LYPD1: variants seen among roughly 807,000 people sequenced by gnomAD.
LYPD1 encodes the protein ly6/PLAUR domain-containing protein 1.
A neutral mutation model predicts 14.2 loss-of-function variants in LYPD1; 14 were observed. That is an observed-to-expected ratio of 0.99 (90% confidence interval 0.65 to 1.54). The LOEUF (loss-of-function observed/expected upper bound fraction) is 1.54. LYPD1 is among the 40% of genes most tolerant of loss of function. The pLI is 0.00. For missense variants in LYPD1, 165 were observed against 175.7 expected, an observed-to-expected ratio of 0.94 and a Z score of 0.34; for synonymous variants, 85 against 70.6, an observed-to-expected ratio of 1.20 and a Z score of -1.02.
rs1683462696 is a variant in LYPD1, at chr2:132,669,045, G to T, written c.53-508C>A. ...GCCAGGGCTCTGAGGATCCCTGAGC[G>T]ACCACCTGGGAACAACTTGGGTGGA... On this transcript the variant is annotated intron_variant, in intron 1 of 2. Coordinates refer to ENST00000397463, the MANE Select transcript of LYPD1 (RefSeq NM_144586.7). The surrounding 1 kb of genome is among the most constrained non-coding windows in gnomAD (Gnocchi z 4.3). 6.6e-6 allele frequency among the ~76,000 whole-genome samples: 1 copy of T among 152,222 alleles called. No homozygotes were observed. The highest frequency in any genetic ancestry group is 2.1e-4 in the South Asian group (1 of 4,830).
chr2:132,654,637 T>C (rs918784298), intron 2 of LYPD1, among the ~76,000 whole-genome samples: 1 of 152,190 alleles, frequency 6.6e-6, no homozygotes, highest in African/African-American at 2.4e-5. Context: ...TTCATTGTGA[T>C]GGGAAGAGAA....
Position 132,645,299 on chromosome 2 carries a change from G to GGC in LYPD1, c.*744_*745dup. 6.2e-7 allele frequency: 1 copy of GGC among 1,614,140 alleles called. No homozygotes were observed. Among genetic ancestry groups the GGC allele is most frequent in the Non-Finnish European group, 8.5e-7 (1 of 1,180,014 alleles). On this transcript the variant is annotated 3_prime_UTR_variant, in exon 3 of 3. Coordinates refer to ENST00000397463, the MANE Select transcript of LYPD1 (RefSeq NM_144586.7). Reference sequence around the variant, plus strand: ...TACACGGTGTCCTCGCAGCAGTTTCGGCGGGTGTTCGTGCAGGTGCTGTGC... The same window carrying GGC: ...TACACGGTGTCCTCGCAGCAGTTTCGGCGCGGGTGTTCGTGCAGGTGCTGTGC...
rs148791066 is a variant in LYPD1, at chr2:132,660,191, G to A, written c.190+8209C>T. ...AGTGAGAAATGAAATGCACTGGACC[G>A]CGTATCACAACTTCCTTAAAATAAT... On this transcript the variant is annotated intron_variant, in intron 2 of 2. Coordinates refer to ENST00000397463, the MANE Select transcript of LYPD1 (RefSeq NM_144586.7). 5.5e-3 allele frequency among the ~76,000 whole-genome samples: 842 copies of A among 152,312 alleles called. 11 individuals carry two copies. Among genetic ancestry groups the A allele is most frequent in the African/African-American group, 0.019 (794 of 41,556 alleles).
chr2:132,658,052 G>A (rs745322693), intron 2 of LYPD1, among the ~76,000 whole-genome samples: 13 of 152,152 alleles, frequency 8.5e-5, no homozygotes, highest in South Asian at 2.1e-4. Context: ...ACTCTTTTGC[G>A]TTCTCATTAA....
chr2:132,647,368 C>CA (rs1183526887), intron 2 of LYPD1, among the ~76,000 whole-genome samples: 4 of 152,196 alleles, frequency 2.6e-5, no homozygotes, highest in Admixed American at 6.5e-5. Context: ...CAATTAACCA[C>CA]AAAAATAACC....
Position 132,646,275 on chromosome 2 carries a change from T to C in LYPD1, c.196A>G (p.Met66Val). The C allele has an allele frequency of 6.5e-7, 1 of 1,541,862 alleles. No individual in the cohort carries two copies. Among genetic ancestry groups the C allele is most frequent in the South Asian group, 1.3e-5 (1 of 79,374 alleles). The change falls in exon 3 of 3, where the codon ATG becomes GTG. Residue 66 changes from methionine to valine, a missense_variant. By Grantham distance (21) the Met-to-Val change is conservative. Transcript: ENST00000397463. ...KEVMEQSAGI[M>V]YRKSCASSAA... The stretch of plus-strand genomic sequence containing the variant: ...GATGATGCACAGGACTTGCGGTACA[T>C]GATCCCTGTAACACAGACCCAAAGG...
intron 2 of LYPD1, among the ~76,000 whole-genome samples, chr2:132,652,592 A>G (rs1336863704): frequency 6.6e-6 from 1 of 152,140 alleles, no homozygotes; most frequent in Non-Finnish European, 1.5e-5. Context: ...CCCAGCTTGG[A>G]CCAGCTCCCA....
In LYPD1 at chr2:132,645,326, GC is replaced by G. The variant is rs1246494023; in HGVS notation, c.*718del. On this transcript the variant is annotated 3_prime_UTR_variant, in exon 3 of 3. Coordinates refer to ENST00000397463, the MANE Select transcript of LYPD1 (RefSeq NM_144586.7). Reference sequence around the variant, plus strand: ...CGGGTGTTCGTGCAGGTGCTGTGCTGCCGCCTGTCGCTGCAGCACGCCAACC... The same window carrying G: ...CGGGTGTTCGTGCAGGTGCTGTGCTGCGCCTGTCGCTGCAGCACGCCAACC... The G allele has an allele frequency of 6.2e-7, 1 of 1,614,152 alleles. No individual in the cohort carries two copies. The highest frequency in any genetic ancestry group is 1.7e-5 in the Admixed American group (1 of 60,024).
In LYPD1 at chr2:132,645,619, G is replaced by A. The variant is rs1573719620; in HGVS notation, c.*426C>T. The A allele has an allele frequency of 6.2e-7, 1 of 1,602,450 alleles. No homozygotes were observed. The highest frequency in any genetic ancestry group is 8.5e-7 in the Non-Finnish European group (1 of 1,174,068). On this transcript the variant is annotated 3_prime_UTR_variant, in exon 3 of 3. Transcript: ENST00000397463. ...GCATGAAGTTTGAATGTCAAGCGAG[G>A]GAGCCTTGAGTGGGAACTGGCCCTC... is the stretch of plus-strand genomic sequence containing the variant.
At chr2:132,664,045 C>G in intron 2 of LYPD1, among the ~76,000 whole-genome samples, 1 of 151,672 alleles carries the variant, frequency 6.6e-6, no homozygotes, top group East Asian at 1.9e-4. Context: ...AAATATATGA[C>G]TGTGTGTGTG....
chr2:132,647,622 C>A (rs1248989946), intron 2 of LYPD1, among the ~76,000 whole-genome samples: 1 of 152,190 alleles, frequency 6.6e-6, no homozygotes, highest in Admixed American at 6.5e-5. Context: ...TGAGCCACTG[C>A]GCCCGGCCAT....
chr2:132,643,693 CT>C lies in LYPD1; in HGVS notation c.*2351del. Among the ~76,000 whole-genome samples the C allele has an allele frequency of 6.6e-6, 1 of 152,214 alleles. No homozygotes were observed. The highest frequency in any genetic ancestry group is 2.4e-5 in the African/African-American group (1 of 41,526). On this transcript the variant is annotated 3_prime_UTR_variant, in exon 3 of 3. Transcript: ENST00000397463. Reference sequence around the variant, plus strand: ...TACCACCATGCCTGGCTAAGTTTTTCTTTTTTTGTAGAGATGGGGTCTTGCT... The same window carrying C: ...TACCACCATGCCTGGCTAAGTTTTTCTTTTTTGTAGAGATGGGGTCTTGCT...
chr2:132,645,802 A>T lies in LYPD1; in HGVS notation c.*243T>A. The T allele has an allele frequency of 1.3e-6, 1 of 763,836 alleles. No homozygotes were observed. The highest frequency in any genetic ancestry group is 1.9e-5 in the South Asian group (1 of 51,572). The allele number at this position is 763,836 out of a possible 1,614,324, so 47.3% of individuals were successfully genotyped here. On this transcript the variant is annotated 3_prime_UTR_variant, in exon 3 of 3. Coordinates refer to ENST00000397463, the MANE Select transcript of LYPD1 (RefSeq NM_144586.7). ...TGGCCTTGACTCCGGTTACACAGAC[A>T]TGGGGGTGAACTTTCACTCCACCTC...
chr2:132,655,027 C>T (rs868203286), intron 2 of LYPD1, among the ~76,000 whole-genome samples: 3 of 152,062 alleles, frequency 2.0e-5, no homozygotes, highest in South Asian at 2.1e-4. Context: ...CCACGGAGCC[C>T]GGCCTCTCTC....
rs1682031118 is a variant in LYPD1 at position 132,645,695 on chromosome 2, A to C, written c.*350T>G. ...CTCTGCAGTCTCAAACTATGCCCCC[A>C]TCAGGGATGGAATGGACACTGGAGG... On this transcript the variant is annotated 3_prime_UTR_variant, in exon 3 of 3. Transcript: ENST00000397463. 2 of 1,501,974 alleles carry C rather than the reference A, an allele frequency of 1.3e-6. No individual in the cohort carries two copies. The highest frequency in any genetic ancestry group is 2.1e-5 in the Admixed American group (1 of 46,628). The allele number at this position is 1,501,974 out of a possible 1,614,324, so 93.0% of individuals were successfully genotyped here.
intron 2 of LYPD1, among the ~76,000 whole-genome samples, chr2:132,652,622 G>A (rs2104904150): frequency 6.6e-6 from 1 of 152,230 alleles, no homozygotes; most frequent in Non-Finnish European, 1.5e-5. Flanking sequence ...CCCTGCAGAG[G>A]CACAGAGATG....
Position 132,655,514 on chromosome 2 carries a change from A to ATTTTTTTTTTTTTTTTT in LYPD1, c.191-9251_191-9235dup, listed in dbSNP as rs1180944589. On this transcript the variant is annotated intron_variant, in intron 2 of 2. Coordinates refer to ENST00000397463, the MANE Select transcript of LYPD1 (RefSeq NM_144586.7). Reference sequence around the variant, plus strand: ...ATGATTCTCTTGGGGGTTGAGAAGCATTTTTTTTTTTTTTTTTTGAGATGG... The same window carrying ATTTTTTTTTTTTTTTTT: ...ATGATTCTCTTGGGGGTTGAGAAGCATTTTTTTTTTTTTTTTTTTTTTTTTTTTTTTTTTTGAGATGG... Among the ~76,000 whole-genome samples, 13 of 99,458 alleles carry ATTTTTTTTTTTTTTTTT rather than the reference A, an allele frequency of 1.3e-4. 3 individuals carry two copies. The highest frequency in any genetic ancestry group is 5.3e-4 in the African/African-American group (11 of 20,796). The allele number at this position is 99,458 out of a possible 152,430, so 65.2% of individuals were successfully genotyped here.
At position 132,646,132 on chromosome 2, in the gene LYPD1, T is replaced by G; in HGVS notation, c.339A>C (p.Lys113Asn). 6.2e-7 allele frequency: 1 copy of G among 1,610,462 alleles called. No homozygotes were observed. Among genetic ancestry groups the G allele is most frequent in the Non-Finnish European group, 8.5e-7 (1 of 1,178,024 alleles). The change falls in exon 3 of 3, where the codon AAA (lysine) becomes AAC (asparagine). Residue 113 changes from lysine to asparagine, a missense_variant. Transcript: ENST00000397463. ...TPLCNGPRPKKRGSSASALRP... is the reference protein window; with the variant it reads ...TPLCNGPRPKNRGSSASALRP... ...TGAGGGCCGAGGCAGAACTTCCCCT[T>G]TTCTTGGGCCTTGGCCCGTTACAAA...
chr2:132,645,152 G>A lies in LYPD1; in HGVS notation c.*893C>T. On this transcript the variant is annotated 3_prime_UTR_variant, in exon 3 of 3. Transcript: ENST00000397463. ...TGCTGGATGCCCAACCAGATTCGGA[G>A]GATCATGGCTGCGGCCAAACCCAAG... 6.2e-7 allele frequency: 1 copy of A among 1,614,182 alleles called. No homozygotes were observed. Among genetic ancestry groups the A allele is most frequent in the Non-Finnish European group, 8.5e-7 (1 of 1,180,038 alleles).
Sources: allele counts gnomAD v4.1 joint callset (sites outside exome capture counted in the v4.1 genomes callset), GRCh38; gene constraint gnomAD v4.1.1; non-coding constraint Gnocchi (gnomAD v3.1); transcripts MANE v1.5; gene names NCBI Gene and HGNC (gene_info 2026-07-23, HGNC 2026-07-21).